Variants in TLR6 observed in about 807,000 individuals in gnomAD.
TLR6 encodes toll like receptor 6.
In TLR6, 9 loss-of-function variants were observed where a neutral mutation model predicts 16.1. That is an observed-to-expected ratio of 0.56 (90% CI 0.34 to 0.98). The LOEUF (loss-of-function observed/expected upper bound fraction) is 0.98. TLR6 is among the 50% of genes least tolerant of loss of function. The pLI is 0.02. For missense variants in TLR6, 786 were observed against 921.0 expected (o/e 0.85, Z 1.90); for synonymous variants, 340 against 338.6 (o/e 1.00, Z -0.04).
In TLR6 at chr4:38,828,045, C is replaced by A; in HGVS notation, c.1429G>T (p.Glu477Ter). 1 of 1,614,206 alleles carries A rather than the reference C, an allele frequency of 6.2e-7. No individual in the cohort carries two copies. The highest frequency in any genetic ancestry group is 8.5e-7 in the Non-Finnish European group (1 of 1,180,040). The change falls in exon 2 of 2, where the codon GAA becomes TAA. Residue 477 changes from glutamate (E) to a stop codon, truncating the protein, a stop_gained. Coordinates refer to ENST00000436693, the Ensembl canonical transcript of TLR6. LOFTEE classifies it high-confidence loss of function. ...AAAGAATTGAAAGCAACATTGAGTT[C>A]TTGCAAAGCTTCCAGTTTTACGACT... is the stretch of plus-strand genomic sequence containing the variant.
intron 1 of TLR6, among the ~76,000 whole-genome samples, chr4:38,835,642 A>G (rs909808156): frequency 6.6e-6 from 1 of 152,210 alleles, no homozygotes. Context: ...TTTACAGAAC[A>G]TTTCATCTGA....
intron 1 of TLR6, among the ~76,000 whole-genome samples, chr4:38,845,478 C>A (rs954633801): frequency 1.9e-4 from 29 of 152,214 alleles, no homozygotes; most frequent in African/African-American, 6.8e-4. Flanking sequence ...ATCACAAGCA[C>A]CCTTAAAAGT....
the TLR6 span, among the ~76,000 whole-genome samples, chr4:38,862,528 G>A: frequency 3.3e-5 from 5 of 149,918 alleles, no homozygotes; most frequent in South Asian, 4.2e-4. Flanking sequence ...TGATCTGCCC[G>A]CCTCAGCCTC....
At chr4:38,823,642 T>C (rs1727409114), downstream of TLR6, 1 of 152,230 alleles carries the variant, frequency 6.6e-6, no homozygotes. Context: ...ATGGAGGAGA[T>C]ACTTTATTTG....
exon 2 of TLR6, chr4:38,824,565 C>T (rs1224868600): frequency 6.6e-6 from 1 of 151,862 alleles, no homozygotes; most frequent in African/African-American, 2.4e-5. Flanking sequence ...TTTTTTTTGT[C>T]GTTGTTGTTA....
chr4:38,831,453 G>A (rs1006111892), intron 1 of TLR6, among the ~76,000 whole-genome samples: 2 of 152,142 alleles, frequency 1.3e-5, no homozygotes, highest in Non-Finnish European at 2.9e-5. Context: ...TTTGGATTTG[G>A]TGATGACTTT....
At chr4:38,831,456 A>G (rs5743791) in intron 1 of TLR6, among the ~76,000 whole-genome samples, 2,417 of 152,330 alleles carry the variant, frequency 0.016, 56 homozygotes, top group African/African-American at 0.055. Context: ...GGATTTGGTG[A>G]TGACTTTTGA....
At chr4:38,829,142 T>C (rs1356495524) in exon 2 of TLR6, 2 of 1,614,138 alleles carry the variant, frequency 1.2e-6, no homozygotes, top group Non-Finnish European at 1.7e-6. Context: ...CTTTTGCAAC[T>C]GATTATGAGA....
chr4:38,825,453 A>G (rs1436624065), exon 2 of TLR6: 3 of 152,228 alleles, frequency 2.0e-5, no homozygotes, highest in African/African-American at 7.2e-5. Flanking sequence ...AGAGGGTATT[A>G]CACAAAGAGG....
upstream of TLR6, among the ~76,000 whole-genome samples, chr4:38,859,827 A>C (rs1713157533): frequency 6.6e-6 from 1 of 151,880 alleles, no homozygotes; most frequent in South Asian, 2.1e-4. Flanking sequence ...CAGCCTCCCA[A>C]AGTGCTGGAA....
intron 1 of TLR6, among the ~76,000 whole-genome samples, chr4:38,851,074 A>C (rs1042881155): frequency 6.6e-6 from 1 of 152,236 alleles, no homozygotes; most frequent in Non-Finnish European, 1.5e-5. Flanking sequence ...GGCTGTTTCA[A>C]CATACGCAAA....
chr4:38,827,173 T>A, exon 2 of TLR6: 1 of 1,614,206 alleles, frequency 6.2e-7, no homozygotes, highest in Non-Finnish European at 8.5e-7. Context: ...CACGTTTGCT[T>A]TTCTCCTTGG....
In TLR6 at chr4:38,839,032, AAG is replaced by A. The variant is rs367572498; in HGVS notation, c.-64-9497_-64-9496del. Among the ~76,000 whole-genome samples the A allele has an allele frequency of 5.1e-3, 717 of 141,108 alleles. 12 individuals carry two copies. Among genetic ancestry groups the A allele is most frequent in the African/African-American group, 0.018 (659 of 35,768 alleles). The allele number at this position is 141,108 out of a possible 152,430, so 92.6% of individuals were successfully genotyped here. ...AGGAGAGAGAGAAAGAAAGTTAAGAAAGAGAGAGAAAGAAAGAAAAAGAGAGA... is the reference window on the plus strand; with the variant it reads ...AGGAGAGAGAGAAAGAAAGTTAAGAAAGAGAGAAAGAAAGAAAAAGAGAGA... On this transcript the variant is annotated intron_variant, in intron 1 of 1. Transcript: ENST00000436693.
At chr4:38,854,577 C>T (rs1726718824) in intron 1 of TLR6, among the ~76,000 whole-genome samples, 1 of 151,802 alleles carries the variant, frequency 6.6e-6, no homozygotes, top group African/African-American at 2.4e-5. Context: ...ATATAATATC[C>T]AGGTTGGTAG....
chr4:38,829,045 G>T, exon 2 of TLR6: 1 of 1,614,118 alleles, frequency 6.2e-7, no homozygotes, highest in Non-Finnish European at 8.5e-7. Context: ...GTGATAAGTT[G>T]CCAAATTCCT....
intron 1 of TLR6, among the ~76,000 whole-genome samples, chr4:38,838,365 A>G (rs1311420506): frequency 2.6e-5 from 4 of 152,372 alleles, no homozygotes; most frequent in Admixed American, 1.3e-4. Context: ...CAACAGATGA[A>G]TGGATAAATA....
chr4:38,865,825 T>A, the TLR6 span, among the ~76,000 whole-genome samples: 1 of 152,246 alleles, frequency 6.6e-6, no homozygotes, highest in Non-Finnish European at 1.5e-5. Flanking sequence ...TTAAGATAAC[T>A]TTCTGGTTTT....
chr4:38,849,676 AAAG>A (rs202008900), intron 1 of TLR6, among the ~76,000 whole-genome samples: 32,477 of 152,090 alleles, frequency 0.21, 4,161 homozygotes, highest in Non-Finnish European at 0.28. Flanking sequence ...CAAAAGAGAC[AAAG>A]AAGGCCATTG....
intron 1 of TLR6, among the ~76,000 whole-genome samples, chr4:38,832,386 G>A (rs968985252): frequency 6.6e-6 from 1 of 152,206 alleles, no homozygotes; most frequent in Admixed American, 6.5e-5. Flanking sequence ...TCAGAACCAG[G>A]AGGAACTTCC....
Sources: allele counts gnomAD v4.1 joint callset (sites outside exome capture counted in the v4.1 genomes callset), GRCh38; gene constraint gnomAD v4.1.1; transcripts MANE v1.5; gene names NCBI Gene and HGNC (gene_info 2026-07-23, HGNC 2026-07-21).